Variants in SH3D19 observed in about 807,000 individuals in gnomAD.
SH3D19 encodes SH3 domain-containing protein 19.
In SH3D19, 58 loss-of-function variants were observed where a neutral mutation model predicts 112.1. The ratio of observed to expected loss-of-function variants is 0.52; its 90% CI spans 0.42 to 0.64. The LOEUF (loss-of-function observed/expected upper bound fraction) is 0.64, where lower values mean the gene tolerates loss of function less well. Ranked by LOEUF, SH3D19 falls within the 30% of genes least tolerant of loss-of-function variation. The probability of loss-of-function intolerance (pLI) is 0.00; values close to 1 mark genes in which losing one functional copy is unlikely to be tolerated. For synonymous variants in SH3D19, 391 were observed against 448.5 expected (o/e 0.87, Z 1.62); for missense variants, 1,090 against 1,263.4 (o/e 0.86, Z 2.08).
intron 19 of SH3D19, among the ~76,000 whole-genome samples, chr4:151,124,388 TGA>T (rs923876491): frequency 6.6e-6 from 1 of 151,492 alleles, no homozygotes; most frequent in Non-Finnish European, 1.5e-5. Context: ...ATTACAGCCG[TGA>T]GCCACTGCAC....
At chr4:151,279,086 A>G in intron 1 of SH3D19, 1 of 417,140 alleles carries the variant, frequency 2.4e-6, no homozygotes, top group Admixed American at 2.8e-5. Flanking sequence ...GGGAACATCC[A>G]CAGATAAAGC....
chr4:151,306,222 C>T (rs974731085), intron 1 of SH3D19, among the ~76,000 whole-genome samples: 8 of 152,128 alleles, frequency 5.3e-5, no homozygotes, highest in Non-Finnish European at 1.2e-4. Flanking sequence ...CAAGAAACTA[C>T]ATGTGTAATA....
intron 13 of SH3D19, among the ~76,000 whole-genome samples, 162 bp downstream of exon 13, chr4:151,139,613 C>A (rs906700057): frequency 6.6e-6 from 1 of 152,160 alleles, no homozygotes. Flanking sequence ...GTACAATCAA[C>A]CCTTCTTGAA....
chr4:151,130,678 A>C (rs1466576525), intron 17 of SH3D19, among the ~76,000 whole-genome samples: 1 of 152,178 alleles, frequency 6.6e-6, no homozygotes, highest in African/African-American at 2.4e-5. Flanking sequence ...GCAGTGGCTC[A>C]TGCCAGTAAT....
chr4:151,291,683 A>T (rs1386514734), intron 1 of SH3D19, among the ~76,000 whole-genome samples: 1 of 152,192 alleles, frequency 6.6e-6, no homozygotes, highest in Non-Finnish European at 1.5e-5. Context: ...TATAAGACTA[A>T]TGTGTCTTCC....
intron 1 of SH3D19, 34 bp from the exon 2 acceptor site, chr4:151,226,120 G>C (rs552057016): frequency 1.1e-5 from 13 of 1,230,956 alleles, no homozygotes; most frequent in Non-Finnish European, 1.3e-5. Flanking sequence ...GTGTCAAAAG[G>C]TTCTTTAAAA....
chr4:151,247,676 C>T (rs1312945448), intron 1 of SH3D19, among the ~76,000 whole-genome samples: 1 of 152,174 alleles, frequency 6.6e-6, no homozygotes, highest in African/African-American at 2.4e-5. Context: ...GCTGCCATCA[C>T]CAGCTCCTCC....
At chr4:151,253,672 C>T (rs904024833) in intron 1 of SH3D19, among the ~76,000 whole-genome samples, 4 of 151,340 alleles carry the variant, frequency 2.6e-5, no homozygotes, top group Admixed American at 2.0e-4. Flanking sequence ...ACCGGGGAAG[C>T]GGAGCTTGCA....
At chr4:151,198,778 T>C (rs1465827407) in intron 2 of SH3D19, among the ~76,000 whole-genome samples, 4 of 152,194 alleles carry the variant, frequency 2.6e-5, no homozygotes, top group Non-Finnish European at 4.4e-5. Context: ...CTCATTTAAC[T>C]GAGTCTTTCA....
At chr4:151,146,303 A>T (rs1022199679) in intron 11 of SH3D19, among the ~76,000 whole-genome samples, 97 of 149,340 alleles carry the variant, frequency 6.5e-4, no homozygotes, top group African/African-American at 2.2e-3. Flanking sequence ...TTTTTATTTT[A>T]TTTTTTTTTT....
Position 151,176,857 on chromosome 4 carries a change from G to A in SH3D19, c.335C>T (p.Ala112Val), listed in dbSNP as rs887325662. 4.9e-6 allele frequency: 6 copies of A among 1,232,056 alleles called. No individual in the cohort carries two copies. Among genetic ancestry groups the A allele is most frequent in the African/African-American group, 1.6e-5 (1 of 64,428 alleles). The allele number at this position is 1,232,056 out of a possible 1,614,324, so 76.3% of individuals were successfully genotyped here. Reference sequence around the variant, plus strand: ...CTCATTAGGCCTCCAAGAGCCTGCTGCAGATGATGTAGGAAATCCCAGTCC... The same window carrying A: ...CTCATTAGGCCTCCAAGAGCCTGCTACAGATGATGTAGGAAATCCCAGTCC... ...PPGLGFPTSS[A>V]AGSWRPNELV... The change falls in exon 5 of 20, where the codon GCA becomes GTA. Residue 112 changes from alanine (A) to valine (V), a missense_variant. Transcript: ENST00000604030.
At chr4:151,129,197 C>T (rs76021957) in intron 17 of SH3D19, among the ~76,000 whole-genome samples, 3,728 of 152,182 alleles carry the variant, frequency 0.024, 94 homozygotes, top group Admixed American at 0.07. Context: ...ATTTTATGAG[C>T]TGTAGTTAAC....
chr4:151,200,903 A>G (rs969368986), intron 2 of SH3D19, among the ~76,000 whole-genome samples: 6 of 152,216 alleles, frequency 3.9e-5, no homozygotes, highest in African/African-American at 7.2e-5. Flanking sequence ...AAACATATCA[A>G]CCAACATTCA....
intron 3 of SH3D19, among the ~76,000 whole-genome samples, chr4:151,187,155 A>C (rs955848020): frequency 3.3e-5 from 5 of 152,134 alleles, no homozygotes; most frequent in Admixed American, 6.6e-5. Flanking sequence ...AAAAAAAAAA[A>C]CAAACAGCTT....
chr4:151,201,605 G>A (rs1764394801), intron 2 of SH3D19, among the ~76,000 whole-genome samples: 1 of 152,092 alleles, frequency 6.6e-6, no homozygotes, highest in African/African-American at 2.4e-5. Flanking sequence ...GAACCACCTA[G>A]GAACATCTGG....
At chr4:151,164,951 A>G (rs1012942097) in intron 8 of SH3D19, among the ~76,000 whole-genome samples, 24 of 152,366 alleles carry the variant, frequency 1.6e-4, no homozygotes, top group African/African-American at 5.0e-4. Context: ...ACACATAGCC[A>G]TATTTGAGAT....
chr4:151,171,994 G>A (rs1292295645), intron 7 of SH3D19, among the ~76,000 whole-genome samples: 1 of 152,088 alleles, frequency 6.6e-6, no homozygotes, highest in Non-Finnish European at 1.5e-5. Flanking sequence ...CATAGCTTCA[G>A]TATTTTCAGA....
chr4:151,192,207 G>A (rs1351144222), intron 2 of SH3D19, among the ~76,000 whole-genome samples: 2 of 152,190 alleles, frequency 1.3e-5, no homozygotes, highest in Non-Finnish European at 2.9e-5. Context: ...AAAGTGCTGG[G>A]ATTACAGGCG....
At chr4:151,167,844 C>G (rs1355760840) in intron 7 of SH3D19, among the ~76,000 whole-genome samples, 3 of 151,854 alleles carry the variant, frequency 2.0e-5, no homozygotes, top group African/African-American at 7.3e-5. Context: ...TCTGCCAGGC[C>G]GCCCCACCGT....
Sources: gnomAD v4.1 joint callset for allele counts (sites outside exome capture counted in the v4.1 genomes callset) on GRCh38, gnomAD v4.1.1 for gene constraint, MANE v1.5 for transcripts, NCBI Gene and HGNC (gene_info 2026-07-23, HGNC 2026-07-21) for gene names.